The following SCARA3 variants were observed in gnomAD, a reference collection of about 807,000 sequenced individuals.
SCARA3 encodes the protein cellular stress response gene protein.
In SCARA3, 39 loss-of-function variants were observed where a neutral mutation model predicts 47.0. The observed-to-expected ratio is 0.83, with a 90% CI of 0.64 to 1.08. SCARA3 has a LOEUF of 1.08. Ranked by LOEUF, SCARA3 falls within the 50% of genes least tolerant of loss-of-function variation. The probability of loss-of-function intolerance (pLI) is 0.00; values close to 1 mark genes in which losing one functional copy is unlikely to be tolerated. For synonymous variants in SCARA3, 356 were observed against 334.1 expected (o/e 1.07, Z -0.71); for missense variants, 724 against 792.3 (o/e 0.91, Z 1.04).
chr8:27,703,547 T>C, the SCARA3 span: 4 of 152,156 alleles, frequency 2.6e-5, no homozygotes, highest in African/African-American at 9.7e-5. Flanking sequence ...CGGCAATGGG[T>C]GTGGTTATCA....
chr8:27,730,915 A>G, the SCARA3 span, among the ~76,000 whole-genome samples: 2 of 151,392 alleles, frequency 1.3e-5, no homozygotes, highest in Non-Finnish European at 2.9e-5. Context: ...TAAATTTTTA[A>G]AAAATTAATT....
downstream of SCARA3, among the ~76,000 whole-genome samples, chr8:27,676,966 C>A (rs940995178): frequency 7.9e-5 from 12 of 152,282 alleles, no homozygotes; most frequent in African/African-American, 2.9e-4. Flanking sequence ...CTTCTGAACT[C>A]CCAGACGAGG....
intron 1 of SCARA3, among the ~76,000 whole-genome samples, chr8:27,647,324 T>C (rs1040822839): frequency 3.9e-5 from 6 of 152,208 alleles, no homozygotes; most frequent in Admixed American, 3.3e-4. Context: ...AGACTAGTTG[T>C]AGGGATCAAA....
chr8:27,717,942 C>T, the SCARA3 span, among the ~76,000 whole-genome samples: 2 of 152,234 alleles, frequency 1.3e-5, no homozygotes, highest in East Asian at 1.9e-4. Flanking sequence ...CATTTCCAAC[C>T]GCATCCTCTC....
downstream of SCARA3, among the ~76,000 whole-genome samples, chr8:27,678,142 C>G (rs1802305900): frequency 6.6e-6 from 1 of 151,908 alleles, no homozygotes; most frequent in African/African-American, 2.4e-5. Flanking sequence ...AAGTTTAATA[C>G]AAGAAGGGCA....
At position 27,659,228 on chromosome 8, in the gene SCARA3, A is replaced by C; in HGVS notation, c.1058A>C (p.His353Pro). The change falls in exon 5 of 6, where the codon CAC (histidine) becomes CCC (proline). Residue 353 changes from histidine (H) to proline (P), a missense_variant. Transcript: ENST00000301904. Reference sequence around the variant, plus strand: ...TCTCTGGAAGGACGCATGGCTTCTCACGAGATTGAAATTGGCACCATCTTC... The same window carrying C: ...TCTCTGGAAGGACGCATGGCTTCTCCCGAGATTGAAATTGGCACCATCTTC... ...FESLEGRMASHEIEIGTIFTN... is the reference protein window; with the variant it reads ...FESLEGRMASPEIEIGTIFTN... 2 of 1,614,146 alleles carry C rather than the reference A, an allele frequency of 1.2e-6. No homozygotes were observed. The highest frequency in any genetic ancestry group is 1.7e-6 in the Non-Finnish European group (2 of 1,180,020).
intron 5 of SCARA3, among the ~76,000 whole-genome samples, chr8:27,668,840 A>G (rs1802079226): frequency 6.6e-6 from 1 of 152,230 alleles, no homozygotes; most frequent in East Asian, 1.9e-4. Flanking sequence ...TGTCTCGGAA[A>G]AAGAAAGAAA....
chr8:27,695,496 T>G, the SCARA3 span, among the ~76,000 whole-genome samples: 1 of 152,152 alleles, frequency 6.6e-6, no homozygotes, highest in East Asian at 1.9e-4. Context: ...AATAAAAAAT[T>G]ACTAACTATA....
At chr8:27,653,571 G>A (rs1035087089) in intron 3 of SCARA3, among the ~76,000 whole-genome samples, 3 of 63,128 alleles carry the variant, frequency 4.8e-5, no homozygotes, top group East Asian at 6.6e-4. Context: ...TTTGTAAAGC[G>A]TGTGTGTGTG....
chr8:27,706,575 G>C, the SCARA3 span, among the ~76,000 whole-genome samples: 1 of 152,156 alleles, frequency 6.6e-6, no homozygotes, highest in African/African-American at 2.4e-5. Context: ...AGAAGGACAC[G>C]AGATGGGGAA....
In SCARA3 at chr8:27,669,364, G is replaced by A. The variant is rs529253553; in HGVS notation, c.1370-1536G>A. On this transcript the variant is annotated intron_variant, in intron 5 of 5. Coordinates refer to ENST00000301904, the MANE Select transcript of SCARA3 (RefSeq NM_016240.3). ...TTTCCAAACCGCAGCTGGCCCAGGC[G>A]CCAGGAGCAGAGGTAGGGTGAAGAC... 1.2e-3 allele frequency among the ~76,000 whole-genome samples: 181 copies of A among 152,350 alleles called. 1 individual carries two copies. The South Asian group carries it at 0.021, about 18-fold the overall frequency.
chr8:27,645,790 G>T (rs1427456337), intron 1 of SCARA3, among the ~76,000 whole-genome samples: 1 of 152,150 alleles, frequency 6.6e-6, no homozygotes, highest in African/African-American at 2.4e-5. Context: ...TATTAACCCT[G>T]CTTGGCCTAG....
chr8:27,691,264 T>C, the SCARA3 span, among the ~76,000 whole-genome samples: 3 of 152,102 alleles, frequency 2.0e-5, no homozygotes, highest in African/African-American at 7.2e-5. Context: ...CAGTCCTCAT[T>C]AGAAAGCACA....
chr8:27,717,619 T>C, the SCARA3 span, among the ~76,000 whole-genome samples: 2 of 152,114 alleles, frequency 1.3e-5, no homozygotes, highest in African/African-American at 4.8e-5. Context: ...ACTCTGTCTC[T>C]ACTAAAAATA....
chr8:27,669,251 G>A (rs1802090299), intron 5 of SCARA3, among the ~76,000 whole-genome samples: 2 of 152,234 alleles, frequency 1.3e-5, no homozygotes, highest in Non-Finnish European at 2.9e-5. Flanking sequence ...TTTTGTGGAT[G>A]AAATATGAGT....
At chr8:27,634,943 G>T (rs1005149634) in intron 1 of SCARA3, among the ~76,000 whole-genome samples, 7 of 152,230 alleles carry the variant, frequency 4.6e-5, no homozygotes, top group African/African-American at 1.7e-4. Flanking sequence ...TGAGGCTACA[G>T]GAGAAGCAGG....
chr8:27,671,245 C>T lies in SCARA3; in HGVS notation c.1715C>T (p.Ser572Leu). Residue 572 changes from serine to leucine, a missense_variant, in exon 6 of 6, where the codon TCA becomes TTA. Coordinates refer to ENST00000301904, the MANE Select transcript of SCARA3 (RefSeq NM_016240.3). ...CCGGGAATTGCAGGGAAGACAGGGT[C>T]ACCAGGCCAGCGGGGGGCCATGGGG... is the stretch of plus-strand genomic sequence containing the variant. ...GKPGIAGKTGSPGQRGAMGPK... is the reference protein window; with the variant it reads ...GKPGIAGKTGLPGQRGAMGPK... 1 of 1,497,414 alleles carries T rather than the reference C, an allele frequency of 6.7e-7. No homozygotes were observed. Among genetic ancestry groups the T allele is most frequent in the Non-Finnish European group, 8.9e-7 (1 of 1,127,802 alleles). The allele number at this position is 1,497,414 out of a possible 1,614,324, so 92.8% of individuals were successfully genotyped here.
At chr8:27,727,995 GC>G in the SCARA3 span, among the ~76,000 whole-genome samples, 1 of 152,204 alleles carries the variant, frequency 6.6e-6, no homozygotes, top group African/African-American at 2.4e-5. Context: ...TTGGCGATGG[GC>G]CGGGGGTGGA....
intron 3 of SCARA3, among the ~76,000 whole-genome samples, chr8:27,656,012 C>T (rs1801736396): frequency 6.6e-6 from 1 of 152,142 alleles, no homozygotes; most frequent in Non-Finnish European, 1.5e-5. Context: ...CTTGATGATC[C>T]CCCTTCTGAC....
Sources: gnomAD v4.1 joint callset for allele counts (sites outside exome capture counted in the v4.1 genomes callset) on GRCh38, gnomAD v4.1.1 for gene constraint, MANE v1.5 for transcripts, NCBI Gene and HGNC (gene_info 2026-07-23, HGNC 2026-07-21) for gene names.